LPIN3: variants seen among roughly 807,000 people sequenced by gnomAD.
LPIN3 encodes the protein lipin 3.
A neutral mutation model predicts 94.7 loss-of-function variants in LPIN3; 82 were observed. The ratio of observed to expected loss-of-function variants is 0.87; its 90% confidence interval spans 0.72 to 1.04. The LOEUF is 1.04. Ranked by LOEUF, LPIN3 falls within the 50% of genes least tolerant of loss-of-function variation. The pLI is 0.00. For missense variants in LPIN3, 996 were observed against 1,090.5 expected (o/e 0.91, Z 1.22); for synonymous variants, 418 against 443.3 (o/e 0.94, Z 0.72).
At position 41,352,844 on chromosome 20, in the gene LPIN3, G is replaced by C; in HGVS notation, c.1504G>C (p.Ala502Pro). ...VAAPMILSLQ[A>P]FQKNLPKSTM... is the part of the protein sequence containing the mutation. ...TGCCCCCATGATCCTCTCCCTGCAAGCCTTCCAGAAAAACTTGCCCAAGGT... is the reference window on the plus strand; with the variant it reads ...TGCCCCCATGATCCTCTCCCTGCAACCCTTCCAGAAAAACTTGCCCAAGGT... Residue 502 changes from alanine to proline, a missense_variant, in exon 11 of 20, where the codon GCC becomes CCC. Ala to Pro is a conservative substitution (Grantham distance 27, BLOSUM62 -1). Transcript: ENST00000373257. 6.2e-7 allele frequency: 1 copy of C among 1,614,234 alleles called. No individual in the cohort carries two copies. Among genetic ancestry groups the C allele is most frequent in the Non-Finnish European group, 8.5e-7 (1 of 1,180,054 alleles).
At chr20:41,357,226 G>A in intron 15 of LPIN3, 38 bp downstream of exon 15, 1 of 1,612,028 alleles carries the variant, frequency 6.2e-7, no homozygotes, top group South Asian at 1.1e-5. Flanking sequence ...GAGGGAGAGG[G>A]GTTGTGGACT....
chr20:41,350,902 C>T (rs138459037), intron 7 of LPIN3, among the ~76,000 whole-genome samples: 72 of 152,214 alleles, frequency 4.7e-4, no homozygotes, highest in African/African-American at 1.6e-3. Context: ...TAGGAAAGCA[C>T]GAGACCTGTG....
intron 7 of LPIN3, among the ~76,000 whole-genome samples, chr20:41,351,536 C>T (rs2046014140): frequency 6.6e-6 from 1 of 151,870 alleles, no homozygotes; most frequent in Non-Finnish European, 1.5e-5. Flanking sequence ...ACTTTGTGAT[C>T]CACCCGCCTC....
chr20:41,358,571 T>C (rs1191719093), intron 19 of LPIN3, 29 bp downstream of exon 19: 1 of 1,611,572 alleles, frequency 6.2e-7, no homozygotes, highest in South Asian at 1.1e-5. Flanking sequence ...ATGTTCCCCA[T>C]GCCCTACCAC....
intron 5 of LPIN3, 123 bp from the exon 6 acceptor site, chr20:41,349,651 C>T: frequency 1.7e-6 from 2 of 1,200,576 alleles, no homozygotes; most frequent in Non-Finnish European, 2.3e-6. Context: ...TTACATATTC[C>T]TTATATATTA....
rs766722220 is a variant in LPIN3, at chr20:41,357,414, AG to A, written c.2009del (p.Gly670AlafsTer11). The part of the protein sequence containing the change: ...LPQLGKDWTH[Q>X]GITSLYHKIQ... ...CAGCTGGGGAAAGACTGGACACACC[AG>A]GGCATCACCAGTCTCTATCACAAAA... On this transcript the variant is annotated frameshift_variant, in exon 16 of 20. Transcript: ENST00000373257. LOFTEE classifies it high-confidence loss of function. The A allele has an allele frequency of 6.2e-7, 1 of 1,613,930 alleles. No individual in the cohort carries two copies. The highest frequency in any genetic ancestry group is 1.1e-5 in the South Asian group (1 of 91,080).
rs2046286044 is a variant in LPIN3 at position 41,358,260 on chromosome 20, A to G, written c.2216A>G (p.Glu739Gly). Residue 739 changes from glutamate (E) to glycine (G), a missense_variant, in exon 18 of 20, where the codon GAG becomes GGG. Physicochemically the swap from Glu to Gly is moderately conservative, Grantham distance 98. Transcript: ENST00000373257. ...LHREVIEKKP[E>G]VFKVACLSDI... Reference sequence around the variant, plus strand: ...AGAGAGGTGATCGAGAAGAAACCAGAGGTGTTCAAGGTCGCCTGCCTGAGT... The same window carrying G: ...AGAGAGGTGATCGAGAAGAAACCAGGGGTGTTCAAGGTCGCCTGCCTGAGT... 1 of 1,614,012 alleles carries G rather than the reference A, an allele frequency of 6.2e-7. No homozygotes were observed. The highest frequency in any genetic ancestry group is 8.5e-7 in the Non-Finnish European group (1 of 1,180,006).
chr20:41,357,500 G>A, intron 16 of LPIN3, 53 bp downstream of exon 16: 1 of 1,473,548 alleles, frequency 6.8e-7, no homozygotes. Flanking sequence ...GCTCTAGAGA[G>A]GGAGTGACAG....
intron 2 of LPIN3, 123 bp downstream of exon 2, chr20:41,346,118 C>G: frequency 2.0e-6 from 2 of 1,008,048 alleles, no homozygotes; most frequent in Non-Finnish European, 2.9e-6. Context: ...TCTGGACAGG[C>G]TTCCCTTCAT....
chr20:41,356,063 G>A (rs746462139), intron 14 of LPIN3, 29 bp downstream of exon 14: 10 of 1,608,186 alleles, frequency 6.2e-6, no homozygotes, highest in Middle Eastern at 1.7e-4. Flanking sequence ...TGTGGAGGTT[G>A]GGGAGGGGCT....
chr20:41,348,524 A>G, intron 3 of LPIN3, 95 bp from the exon 4 acceptor site: 1 of 1,503,510 alleles, frequency 6.7e-7, no homozygotes, highest in Non-Finnish European at 8.9e-7. Context: ...AGCTCACTCC[A>G]GGGCTGGGAC....
At position 41,357,382 on chromosome 20, in the gene LPIN3, C is replaced by T. The variant is rs748194618; in HGVS notation, c.1974C>T (p.Ile658=). ...CTAGGTCAGATGCTCTGGGCCATAT[C>T]CTGCCCCAGCTGGGGAAAGACTGGA... is the stretch of plus-strand genomic sequence containing the variant. ...TITKSDALGH[I]LPQLGKDWTH... is the part of the protein sequence containing the mutation. Residue 658 remains isoleucine (I), a synonymous_variant, in exon 16 of 20, where the codon ATC becomes ATT. Coordinates refer to ENST00000373257, the MANE Select transcript of LPIN3 (RefSeq NM_022896.3). 3 of 1,614,026 alleles carry T rather than the reference C, an allele frequency of 1.9e-6. No homozygotes were observed. The South Asian group carries it at 3.3e-5, about 18-fold the overall frequency.
At position 41,348,670 on chromosome 20, in the gene LPIN3, T is replaced by C; in HGVS notation, c.340T>C (p.Ser114Pro). ...CTCACCCATCCCTTGGGGGGGTCTG[T>C]CTGGCTTCCCCTCGGACTCCCAGCT... The part of the protein sequence containing the change: ...CTSPIPWGGL[S>P]GFPSDSQLGT... The change falls in exon 4 of 20, where the codon TCT (serine) becomes CCT (proline). Residue 114 changes from serine to proline, a missense_variant. Ser to Pro is a moderately conservative substitution (Grantham distance 74). Coordinates refer to ENST00000373257, the MANE Select transcript of LPIN3 (RefSeq NM_022896.3). The C allele has an allele frequency of 6.2e-7, 1 of 1,613,848 alleles. No individual in the cohort carries two copies. Among genetic ancestry groups the C allele is most frequent in the Non-Finnish European group, 8.5e-7 (1 of 1,179,806 alleles).
intron 8 of LPIN3, 32 bp downstream of exon 8, chr20:41,351,952 G>A (rs1715692043): frequency 6.2e-7 from 1 of 1,613,788 alleles, no homozygotes; most frequent in African/African-American, 1.3e-5. Context: ...GGGTGTCTTG[G>A]GTCTGGGCTC....
At chr20:41,341,859 C>G (rs1017285936) in intron 1 of LPIN3, among the ~76,000 whole-genome samples, 1 of 152,206 alleles carries the variant, frequency 6.6e-6, no homozygotes, top group South Asian at 2.1e-4. Flanking sequence ...CGCCTGTAGT[C>G]CCAGCTACTC....
At chr20:41,355,078 G>A (rs772495123) in intron 13 of LPIN3, among the ~76,000 whole-genome samples, 8 of 151,978 alleles carry the variant, frequency 5.3e-5, no homozygotes, top group Admixed American at 2.6e-4. Flanking sequence ...GCAGTGGTAC[G>A]ATCTTGGCTC....
chr20:41,342,784 G>T (rs889625793), intron 1 of LPIN3, among the ~76,000 whole-genome samples: 1 of 152,174 alleles, frequency 6.6e-6, no homozygotes. Flanking sequence ...GAAGTGGGGG[G>T]AACAGAGAGA....
In LPIN3 at chr20:41,348,868, C is replaced by G. The variant is rs770253392; in HGVS notation, c.538C>G (p.Leu180Val). 4 of 1,606,112 alleles carry G rather than the reference C, an allele frequency of 2.5e-6. No individual in the cohort carries two copies. The Admixed American group carries it at 5.1e-5, about 21-fold the overall frequency. The change falls in exon 4 of 20, where the codon CTG becomes GTG. Residue 180 changes from leucine to valine, a missense_variant. Coordinates refer to ENST00000373257, the MANE Select transcript of LPIN3 (RefSeq NM_022896.3). The part of the protein sequence containing the change: ...AESELSLPEK[L>V]RPEPPGVQLE... ...GAGTGAGCTATCCCTGCCGGAAAAG[C>G]TGAGGCCAGAGCCCCCAGGGTGTGT...
intron 1 of LPIN3, among the ~76,000 whole-genome samples, chr20:41,342,265 C>A (rs1322694660): frequency 1.3e-5 from 2 of 152,214 alleles, no homozygotes; most frequent in South Asian, 2.1e-4. Flanking sequence ...GAGTGGGGAT[C>A]AGCACCCAGA....
Sources: allele counts gnomAD v4.1 joint callset (sites outside exome capture counted in the v4.1 genomes callset), GRCh38; gene constraint gnomAD v4.1.1; transcripts MANE v1.5; gene names NCBI Gene and HGNC (gene_info 2026-07-23, HGNC 2026-07-21).